Variants in RBFOX1 observed in about 807,000 individuals in gnomAD.
RBFOX1 encodes the protein RNA binding protein fox-1 homolog 1.
Under a neutral mutation model 57.7 loss-of-function variants are expected in RBFOX1, and 8 were observed. That is an observed-to-expected ratio of 0.14 (90% CI 0.08 to 0.25). The LOEUF (loss-of-function observed/expected upper bound fraction) is 0.25. Ranked by LOEUF, RBFOX1 falls within the 10% of genes least tolerant of loss-of-function variation. The pLI is 1.00. For missense variants in RBFOX1, 611 were observed against 548.5 expected (o/e 1.11, Z -1.14); for synonymous variants, 326 against 222.4 (o/e 1.47, Z -4.15).
intron 3 of RBFOX1, among the ~76,000 whole-genome samples, chr16:6,717,075 C>T (rs983332410): frequency 6.6e-6 from 1 of 152,286 alleles, no homozygotes; most frequent in Middle Eastern, 3.4e-3. Flanking sequence ...ACCAAGAGTT[C>T]CCTTCCCACA....
intron 4 of RBFOX1, among the ~76,000 whole-genome samples, chr16:7,386,570 G>T (rs1220628011): frequency 1.3e-5 from 2 of 152,026 alleles, no homozygotes; most frequent in Non-Finnish European, 2.9e-5. Flanking sequence ...TTTTTTTATG[G>T]CTGCATAGTA....
intron 4 of RBFOX1, among the ~76,000 whole-genome samples, chr16:7,168,446 G>T (rs1053198998): frequency 6.6e-6 from 1 of 152,152 alleles, no homozygotes. Flanking sequence ...ATGTGAATTC[G>T]TGAACCTCAT....
intron 14 of RBFOX1, among the ~76,000 whole-genome samples, chr16:7,692,659 C>G (rs534122077): frequency 8.7e-4 from 132 of 152,228 alleles, no homozygotes; most frequent in African/African-American, 3.1e-3. Context: ...GGAAGTGTCA[C>G]AGTTGGAAAC....
chr16:6,650,063 C>T (rs965835531), intron 2 of RBFOX1, among the ~76,000 whole-genome samples: 1 of 152,140 alleles, frequency 6.6e-6, no homozygotes, highest in Non-Finnish European at 1.5e-5. Context: ...ATACGGATTT[C>T]ATTTCCTTTG....
chr16:5,612,918 C>G (rs978644637), intron 3 of RBFOX1, among the ~76,000 whole-genome samples: 4 of 152,298 alleles, frequency 2.6e-5, no homozygotes, highest in Middle Eastern at 3.4e-3. Context: ...TCATGTCCCA[C>G]AAAACATGGA....
chr16:6,843,094 C>G (rs947514345), intron 3 of RBFOX1, among the ~76,000 whole-genome samples: 8 of 152,062 alleles, frequency 5.3e-5, no homozygotes, highest in Non-Finnish European at 1.0e-4. Context: ...CCAAGATTTA[C>G]TATTGTAAAT....
chr16:6,073,084 C>T (rs1021848045), intron 1 of RBFOX1, among the ~76,000 whole-genome samples: 1 of 152,174 alleles, frequency 6.6e-6, no homozygotes, highest in Non-Finnish European at 1.5e-5. Context: ...TCAGAATTTG[C>T]ATCTAATGAA....
intron 3 of RBFOX1, among the ~76,000 whole-genome samples, chr16:6,734,638 C>G (rs191392572): frequency 3.0e-4 from 45 of 152,162 alleles, no homozygotes; most frequent in African/African-American, 9.2e-4. Context: ...ACATTCTTTT[C>G]TTTGTGATAG....
intron 2 of RBFOX1, among the ~76,000 whole-genome samples, chr16:6,405,785 T>G (rs570415762): frequency 6.6e-6 from 1 of 152,320 alleles, no homozygotes; most frequent in South Asian, 2.1e-4. Context: ...ATTTTTACAT[T>G]TGTTTCAAGG....
chr16:6,907,343 G>A (rs1385185417), intron 3 of RBFOX1, among the ~76,000 whole-genome samples: 2 of 152,174 alleles, frequency 1.3e-5, no homozygotes, highest in African/African-American at 4.8e-5. Context: ...CAGAGAAACA[G>A]TGTATCGAGC....
intron 10 of RBFOX1, among the ~76,000 whole-genome samples, chr16:7,613,169 CT>C (rs2057846391): frequency 1.3e-5 from 2 of 152,052 alleles, no homozygotes; most frequent in Admixed American, 1.3e-4. Flanking sequence ...AAAACCACCC[CT>C]AGGGATATTT....
intron 1 of RBFOX1, among the ~76,000 whole-genome samples, chr16:6,152,971 A>G (rs1427028980): frequency 1.3e-5 from 2 of 151,562 alleles, no homozygotes; most frequent in South Asian, 4.2e-4. Flanking sequence ...TTCTGGATCT[A>G]GGCCTTTTTC....
intron 1 of RBFOX1, among the ~76,000 whole-genome samples, chr16:6,195,943 G>C (rs909803492): frequency 1.1e-4 from 17 of 152,250 alleles, no homozygotes; most frequent in African/African-American, 4.1e-4. Flanking sequence ...GCCATGCTGG[G>C]AAATAGATTG....
chr16:6,767,564 C>G (rs1480357883), intron 3 of RBFOX1, among the ~76,000 whole-genome samples: 3 of 152,020 alleles, frequency 2.0e-5, no homozygotes, highest in Non-Finnish European at 4.4e-5. Flanking sequence ...ACAATAATGT[C>G]AAATATAGCA....
At chr16:6,499,185 A>G (rs1267473197) in intron 2 of RBFOX1, among the ~76,000 whole-genome samples, 1 of 152,114 alleles carries the variant, frequency 6.6e-6, no homozygotes, top group African/African-American at 2.4e-5. Flanking sequence ...CCTCCTATTG[A>G]CTAGGAAATA....
intron 3 of RBFOX1, among the ~76,000 whole-genome samples, chr16:5,612,429 A>AC (rs918316229): frequency 6.0e-5 from 9 of 151,220 alleles, no homozygotes; most frequent in South Asian, 4.2e-4. Flanking sequence ...ACACACTAGG[A>AC]CCCCCCCTCT....
intron 1 of RBFOX1, among the ~76,000 whole-genome samples, chr16:5,289,631 C>T (rs1335374910): frequency 6.6e-6 from 1 of 152,142 alleles, no homozygotes; most frequent in Non-Finnish European, 1.5e-5. Context: ...ATGTGCCTTG[C>T]ATCATATTTC....
intron 1 of RBFOX1, among the ~76,000 whole-genome samples, chr16:6,047,799 C>G (rs575189409): frequency 1.3e-5 from 2 of 152,200 alleles, no homozygotes; most frequent in Non-Finnish European, 2.9e-5. Flanking sequence ...AATTCCACAC[C>G]AATCAGAGCA....
At chr16:7,186,994 CAAAAAAAAAAAA>C (rs35177784) in intron 4 of RBFOX1, among the ~76,000 whole-genome samples, 10 of 69,290 alleles carry the variant, frequency 1.4e-4, no homozygotes. Flanking sequence ...CCCACCTCCA[CAAAAAAAAAAAA>C]AAAAAAAAAA....
Sources: allele counts gnomAD v4.1 joint callset (sites outside exome capture counted in the v4.1 genomes callset), GRCh38; gene constraint gnomAD v4.1.1; transcripts MANE v1.5; gene names NCBI Gene and HGNC (gene_info 2026-07-23, HGNC 2026-07-21).